The following TMEM178B variants were observed in gnomAD, a reference collection of about 807,000 sequenced individuals.
TMEM178B encodes the protein transmembrane protein 178B.
Under a neutral mutation model 31.0 loss-of-function variants are expected in TMEM178B, and 5 were observed. The ratio of observed to expected loss-of-function variants is 0.16; its 90% CI spans 0.08 to 0.34. The LOEUF (loss-of-function observed/expected upper bound fraction) is 0.34, where lower values mean the gene tolerates loss of function less well. Among genes scored for constraint, TMEM178B ranks in the 10% least tolerant of loss-of-function variants. The pLI is 1.00. For synonymous variants in TMEM178B, 164 were observed against 164.0 expected, an observed-to-expected ratio of 1.00 and a Z score of 0.00; for missense variants, 275 against 400.3, an observed-to-expected ratio of 0.69 and a Z score of 2.67.
chr7:141,456,199 C>T (rs1801959278), intron 3 of TMEM178B, among the ~76,000 whole-genome samples: 1 of 152,132 alleles, frequency 6.6e-6, no homozygotes, highest in African/African-American at 2.4e-5. Context: ...AGTCCTAGAG[C>T]AAGTCAGAGA....
intron 2 of TMEM178B, among the ~76,000 whole-genome samples, chr7:141,283,377 G>T (rs1798396076): frequency 6.6e-6 from 1 of 152,218 alleles, no homozygotes; most frequent in African/African-American, 2.4e-5. Context: ...GACTGGGGAA[G>T]CAGACGGTGA....
At chr7:141,249,538 G>T (rs1473463593) in intron 2 of TMEM178B, among the ~76,000 whole-genome samples, 1 of 152,214 alleles carries the variant, frequency 6.6e-6, no homozygotes, top group African/African-American at 2.4e-5. Flanking sequence ...AGGTGAAATG[G>T]CAGAAGTAGG....
chr7:141,406,651 G>T (rs542073083), intron 2 of TMEM178B, among the ~76,000 whole-genome samples: 1 of 152,312 alleles, frequency 6.6e-6, no homozygotes, highest in African/African-American at 2.4e-5. Flanking sequence ...AATGGCTGTG[G>T]TGCACTTAAA....
At chr7:141,363,889 C>G (rs1233983378) in intron 2 of TMEM178B, among the ~76,000 whole-genome samples, 1 of 143,916 alleles carries the variant, frequency 6.9e-6, no homozygotes, top group Non-Finnish European at 1.5e-5. Context: ...GACCCTGTTT[C>G]TAAAAAATAA....
At chr7:141,258,390 T>G (rs1797962148) in intron 2 of TMEM178B, among the ~76,000 whole-genome samples, 1 of 152,054 alleles carries the variant, frequency 6.6e-6, no homozygotes, top group African/African-American at 2.4e-5. Context: ...GTTTACAAAT[T>G]TGTTTTGGGC....
chr7:141,089,462 T>G (rs912426064), intron 1 of TMEM178B, among the ~76,000 whole-genome samples: 1 of 152,214 alleles, frequency 6.6e-6, no homozygotes, highest in Non-Finnish European at 1.5e-5. Context: ...CGATTCCTCA[T>G]GGATCTAGAA....
At chr7:141,411,357 G>A (rs544406827) in intron 2 of TMEM178B, among the ~76,000 whole-genome samples, 58 of 152,096 alleles carry the variant, frequency 3.8e-4, no homozygotes, top group Admixed American at 3.1e-3. Context: ...TGATGGTTGC[G>A]CAACAGTATG....
chr7:141,088,932 G>A (rs1239600152), intron 1 of TMEM178B, among the ~76,000 whole-genome samples: 1 of 152,158 alleles, frequency 6.6e-6, no homozygotes, highest in Non-Finnish European at 1.5e-5. Context: ...ATGAAGTTAT[G>A]AATCTTTTTA....
intron 1 of TMEM178B, among the ~76,000 whole-genome samples, chr7:141,174,657 A>G (rs1175822848): frequency 2.0e-5 from 3 of 152,108 alleles, no homozygotes; most frequent in African/African-American, 7.2e-5. Context: ...CACCATTCTA[A>G]CTGGCATGAG....
chr7:141,379,291 A>T, intron 2 of TMEM178B, among the ~76,000 whole-genome samples: 1 of 146,722 alleles, frequency 6.8e-6, no homozygotes, highest in South Asian at 2.2e-4. Flanking sequence ...TCATAGTGAG[A>T]CCCCTGTTTT....
At chr7:141,360,039 C>A (rs933764684) in intron 2 of TMEM178B, among the ~76,000 whole-genome samples, 8 of 152,150 alleles carry the variant, frequency 5.3e-5, no homozygotes, top group African/African-American at 1.9e-4. Flanking sequence ...GTTCCTCCCA[C>A]AACACATGGG....
intron 1 of TMEM178B, among the ~76,000 whole-genome samples, chr7:141,084,025 G>A (rs1586758839): frequency 6.6e-6 from 1 of 152,228 alleles, no homozygotes; most frequent in African/African-American, 2.4e-5. Context: ...GGCTGGTCTC[G>A]AACTCCTGAC....
intron 1 of TMEM178B, among the ~76,000 whole-genome samples, chr7:141,083,855 A>G (rs909182453): frequency 6.6e-6 from 1 of 150,460 alleles, no homozygotes; most frequent in African/African-American, 2.5e-5. Flanking sequence ...AATACTTCGT[A>G]GCCAAGGCTC....
intron 2 of TMEM178B, among the ~76,000 whole-genome samples, chr7:141,330,410 A>G (rs1402945269): frequency 1.3e-5 from 2 of 152,222 alleles, no homozygotes; most frequent in Admixed American, 1.3e-4. Context: ...TTTACCGAGG[A>G]TAATGACTTC....
At chr7:141,493,514 C>A in the TMEM178B span, among the ~76,000 whole-genome samples, 143 of 152,268 alleles carry the variant, frequency 9.4e-4, no homozygotes, top group African/African-American at 3.3e-3. Context: ...GCATCCCTAG[C>A]AGCTGGAGCC....
At chr7:141,256,091 T>C (rs1468135739) in intron 2 of TMEM178B, among the ~76,000 whole-genome samples, 2 of 152,134 alleles carry the variant, frequency 1.3e-5, no homozygotes, top group African/African-American at 4.8e-5. Context: ...TCCCTCTGTC[T>C]ATCTATTCAC....
chr7:141,173,397 G>A (rs1485127896), intron 1 of TMEM178B, among the ~76,000 whole-genome samples: 1 of 152,152 alleles, frequency 6.6e-6, no homozygotes, highest in Non-Finnish European at 1.5e-5. Flanking sequence ...TATACAAAAT[G>A]TTATGGAAAC....
intron 2 of TMEM178B, among the ~76,000 whole-genome samples, chr7:141,308,752 A>G (rs927791949): frequency 6.6e-6 from 1 of 152,044 alleles, no homozygotes; most frequent in African/African-American, 2.4e-5. Flanking sequence ...AGATGACAAA[A>G]CTGAGTTCCA....
At chr7:141,378,256 G>A (rs970355961) in intron 2 of TMEM178B, among the ~76,000 whole-genome samples, 3 of 152,082 alleles carry the variant, frequency 2.0e-5, no homozygotes, top group Admixed American at 2.0e-4. Context: ...ATATGATATC[G>A]ACATGACTTA....
Sources: gnomAD v4.1 joint callset for allele counts (sites outside exome capture counted in the v4.1 genomes callset) on GRCh38, gnomAD v4.1.1 for gene constraint, MANE v1.5 for transcripts, NCBI Gene and HGNC (gene_info 2026-07-23, HGNC 2026-07-21) for gene names.